The following LUZP2 variants were observed in gnomAD, a reference collection of about 807,000 sequenced individuals.
The protein encoded by LUZP2 is leucine zipper protein 2.
In LUZP2, 52 loss-of-function variants were observed where a neutral mutation model predicts 51.6. The observed-to-expected ratio is 1.01, with a 90% CI of 0.81 to 1.27. The LOEUF is 1.27. Ranked by LOEUF, LUZP2 falls within the 50% of genes most tolerant of loss-of-function variation. LUZP2 has a pLI of 0.00. For synonymous variants in LUZP2, 154 were observed against 137.3 expected (o/e 1.12, Z -0.85); for missense variants, 436 against 395.4 (o/e 1.10, Z -0.87).
At chr11:24,563,862 T>G (rs1157371780) in intron 1 of LUZP2, among the ~76,000 whole-genome samples, 1 of 152,198 alleles carries the variant, frequency 6.6e-6, no homozygotes. Context: ...ATTAATTATG[T>G]GTTTTATAAC....
intron 1 of LUZP2, among the ~76,000 whole-genome samples, chr11:24,664,761 A>T (rs1856155578): frequency 6.6e-6 from 1 of 152,196 alleles, no homozygotes; most frequent in African/African-American, 2.4e-5. Flanking sequence ...CTGTGGGTGC[A>T]CAGAAGTACA....
chr11:24,744,075 A>G (rs1253957774), intron 4 of LUZP2, among the ~76,000 whole-genome samples: 1 of 152,048 alleles, frequency 6.6e-6, no homozygotes, highest in Non-Finnish European at 1.5e-5. Context: ...CCACTTGATC[A>G]TGGTAGATTA....
chr11:25,032,372 A>C (rs1220685852), intron 9 of LUZP2, among the ~76,000 whole-genome samples: 1 of 152,186 alleles, frequency 6.6e-6, no homozygotes, highest in Non-Finnish European at 1.5e-5. Flanking sequence ...ATGATTTTGG[A>C]CAAGTGACTT....
intron 7 of LUZP2, among the ~76,000 whole-genome samples, chr11:24,947,493 T>C (rs1854932193): frequency 6.6e-6 from 1 of 152,002 alleles, no homozygotes; most frequent in Admixed American, 6.6e-5. Flanking sequence ...GTGTTAACTA[T>C]ATAATCTTTT....
intron 1 of LUZP2, among the ~76,000 whole-genome samples, chr11:24,712,735 G>C (rs577698570): frequency 6.6e-6 from 1 of 152,156 alleles, no homozygotes; most frequent in African/African-American, 2.4e-5. Flanking sequence ...GCTTAGAAGA[G>C]CCTGACTAAA....
chr11:24,928,215 G>T (rs1285407006), intron 7 of LUZP2, among the ~76,000 whole-genome samples: 1 of 151,886 alleles, frequency 6.6e-6, no homozygotes, highest in Non-Finnish European at 1.5e-5. Context: ...TACCAATTTG[G>T]ATGCCCTTTA....
chr11:24,522,196 G>T (rs1269845807), intron 1 of LUZP2, among the ~76,000 whole-genome samples: 1 of 152,086 alleles, frequency 6.6e-6, no homozygotes, highest in Non-Finnish European at 1.5e-5. Context: ...CATCTTCTTT[G>T]TGTCTTTTTC....
chr11:24,825,729 G>A (rs1430212128), intron 5 of LUZP2, among the ~76,000 whole-genome samples: 3 of 152,012 alleles, frequency 2.0e-5, no homozygotes, highest in African/African-American at 7.3e-5. Flanking sequence ...TATTTCGACA[G>A]AAATCCCACA....
intron 6 of LUZP2, among the ~76,000 whole-genome samples, chr11:24,913,935 G>A (rs902736997): frequency 3.3e-5 from 5 of 152,090 alleles, no homozygotes; most frequent in Non-Finnish European, 5.9e-5. Context: ...TTCTTTTTAA[G>A]TATTTTCCTA....
chr11:24,602,987 T>C (rs1390174197), intron 1 of LUZP2, among the ~76,000 whole-genome samples: 10 of 151,798 alleles, frequency 6.6e-5, no homozygotes, highest in Admixed American at 6.6e-4. Context: ...TGGCAGAATA[T>C]CTAAGTTTCA....
intron 1 of LUZP2, among the ~76,000 whole-genome samples, chr11:24,672,795 C>T (rs1237900121): frequency 6.6e-6 from 1 of 152,180 alleles, no homozygotes. Context: ...CAGCACATTG[C>T]TTTATTGAAT....
chr11:24,661,684 A>G (rs1299426772), intron 1 of LUZP2, among the ~76,000 whole-genome samples: 1 of 152,192 alleles, frequency 6.6e-6, no homozygotes, highest in Non-Finnish European at 1.5e-5. Flanking sequence ...GATGAAATAT[A>G]GGTTCAGATT....
intron 5 of LUZP2, among the ~76,000 whole-genome samples, chr11:24,864,028 G>A (rs1748292276): frequency 6.6e-6 from 1 of 151,954 alleles, no homozygotes; most frequent in South Asian, 2.1e-4. Flanking sequence ...TAACTTAGAG[G>A]GTGCTGAAGT....
At chr11:24,659,119 A>C (rs927211312) in intron 1 of LUZP2, among the ~76,000 whole-genome samples, 6 of 152,260 alleles carry the variant, frequency 3.9e-5, no homozygotes, top group Admixed American at 1.3e-4. Context: ...GACACATGCA[A>C]ACATATGTTT....
At chr11:24,869,057 G>C (rs1328815367) in intron 5 of LUZP2, among the ~76,000 whole-genome samples, 1 of 152,138 alleles carries the variant, frequency 6.6e-6, no homozygotes, top group Non-Finnish European at 1.5e-5. Flanking sequence ...AAAGAAGGGA[G>C]AGATTTTGCA....
At chr11:24,779,024 ATG>A (rs969357807) in intron 5 of LUZP2, among the ~76,000 whole-genome samples, 17 of 152,036 alleles carry the variant, frequency 1.1e-4, no homozygotes, top group Non-Finnish European at 2.4e-4. Context: ...CATTTCAGAA[ATG>A]TGTGTGTGTG....
At chr11:24,576,576 C>A (rs201599269) in intron 1 of LUZP2, among the ~76,000 whole-genome samples, 1 of 151,596 alleles carries the variant, frequency 6.6e-6, no homozygotes, top group African/African-American at 2.4e-5. Context: ...TTGAGATTTT[C>A]TAAAGATTTG....
rs188289042 is a variant in LUZP2 at position 24,611,191 on chromosome 11, T to C, written c.62+113886T>C. ...GTTTATATTATTCATTCAAAAATAG[T>C]CAACTTTTACTTTGTGCCGAGGTTG... is the stretch of plus-strand genomic sequence containing the variant. On this transcript the variant is annotated intron_variant, in intron 1 of 11. Transcript: ENST00000336930. This position sits in a 1 kb window ranked among gnomAD's most constrained non-coding sequence, Gnocchi z 4.6. 2.0e-5 allele frequency among the ~76,000 whole-genome samples: 3 copies of C among 152,270 alleles called. No homozygotes were observed. The highest frequency in any genetic ancestry group is 7.2e-5 in the African/African-American group (3 of 41,560).
intron 9 of LUZP2, among the ~76,000 whole-genome samples, chr11:25,027,382 A>G (rs1160040294): frequency 6.6e-6 from 1 of 152,130 alleles, no homozygotes; most frequent in East Asian, 1.9e-4. Context: ...TACATTATTT[A>G]TACTTTATTA....
Sources: gnomAD v4.1 joint callset for allele counts (sites outside exome capture counted in the v4.1 genomes callset) on GRCh38, gnomAD v4.1.1 for gene constraint, Gnocchi (gnomAD v3.1) non-coding constraint, MANE v1.5 for transcripts, NCBI Gene and HGNC (gene_info 2026-07-23, HGNC 2026-07-21) for gene names.